IKZF2: variants seen among roughly 807,000 people sequenced by gnomAD.
IKZF2 encodes the protein zinc finger protein Helios.
Under a neutral mutation model 49.2 loss-of-function variants are expected in IKZF2, and 15 were observed. The ratio of observed to expected loss-of-function variants is 0.30; its 90% CI spans 0.20 to 0.47. The LOEUF is 0.47. Among genes scored for constraint, IKZF2 ranks in the 20% least tolerant of loss-of-function variants. The pLI is 1.00. For synonymous variants in IKZF2, 227 were observed against 221.4 expected (o/e 1.03, Z -0.23); for missense variants, 567 against 664.6 (o/e 0.85, Z 1.61).
intron 4 of IKZF2, among the ~76,000 whole-genome samples, chr2:213,080,376 A>G (rs1425868005): frequency 1.3e-5 from 2 of 152,210 alleles, no homozygotes; most frequent in African/African-American, 4.8e-5. Flanking sequence ...AAGGTTCATT[A>G]AATATCTACT....
At chr2:213,041,368 CT>C (rs746771345) in intron 6 of IKZF2, among the ~76,000 whole-genome samples, 20 of 151,880 alleles carry the variant, frequency 1.3e-4, no homozygotes, top group Middle Eastern at 3.4e-3. Flanking sequence ...GAGTTTCGCT[CT>C]GTCACCCAGG....
intron 4 of IKZF2, among the ~76,000 whole-genome samples, chr2:213,089,582 T>C (rs1448678607): frequency 2.0e-5 from 3 of 152,214 alleles, no homozygotes; most frequent in Non-Finnish European, 4.4e-5. Flanking sequence ...AGAATGATTC[T>C]AACTAGAAAA....
intron 4 of IKZF2, among the ~76,000 whole-genome samples, chr2:213,122,381 G>A (rs760530681): frequency 1.3e-5 from 2 of 152,156 alleles, no homozygotes; most frequent in African/African-American, 2.4e-5. Context: ...CTGATTATCA[G>A]AATTAGAGTC....
In IKZF2 at chr2:213,007,435, G is replaced by A; in HGVS notation, c.1506C>T (p.Asn502=). ...GGTCCTGGCTTCTGTAGCCACAGAT[G>A]TTGCATTCCAGTGGGTCCCGGTAGC... The part of the protein sequence containing the change: ...CHGYRDPLEC[N]ICGYRSQDRY... The change falls in exon 9 of 9, where the codon AAC becomes AAT. Residue 502 remains asparagine, a synonymous_variant. Coordinates refer to ENST00000434687, the MANE Select transcript of IKZF2 (RefSeq NM_001387220.1). 6.2e-7 allele frequency: 1 copy of A among 1,613,598 alleles called. No individual in the cohort carries two copies. The highest frequency in any genetic ancestry group is 8.5e-7 in the Non-Finnish European group (1 of 1,179,652).
At chr2:213,036,149 G>A (rs1574568535) in intron 6 of IKZF2, among the ~76,000 whole-genome samples, 1 of 152,042 alleles carries the variant, frequency 6.6e-6, no homozygotes, top group South Asian at 2.1e-4. Flanking sequence ...TACAATTCTT[G>A]TTTTATTGTG....
chr2:213,096,016 T>C (rs1332012619), intron 4 of IKZF2, among the ~76,000 whole-genome samples: 1 of 151,956 alleles, frequency 6.6e-6, no homozygotes, highest in Non-Finnish European at 1.5e-5. Flanking sequence ...CTAAATATTA[T>C]ACAGCTTATA....
chr2:213,037,032 G>T (rs1426292969), intron 6 of IKZF2, among the ~76,000 whole-genome samples: 2 of 152,160 alleles, frequency 1.3e-5, no homozygotes, highest in African/African-American at 4.8e-5. Context: ...CTCCACTTCT[G>T]TTGTGGAGTT....
intron 4 of IKZF2, among the ~76,000 whole-genome samples, chr2:213,082,680 C>T (rs1303816022): frequency 6.6e-6 from 1 of 152,130 alleles, no homozygotes; most frequent in Non-Finnish European, 1.5e-5. Context: ...CGGAACTTGC[C>T]TATTATAAAG....
intron 4 of IKZF2, among the ~76,000 whole-genome samples, chr2:213,062,243 A>C (rs1701762789): frequency 6.6e-6 from 1 of 151,688 alleles, no homozygotes; most frequent in Admixed American, 6.6e-5. Context: ...GACATTTTTA[A>C]ATATACATAT....
chr2:213,145,060 C>T (rs993071000), intron 4 of IKZF2, among the ~76,000 whole-genome samples: 8 of 151,582 alleles, frequency 5.3e-5, no homozygotes, highest in Non-Finnish European at 1.2e-4. Flanking sequence ...TACCAAATAG[C>T]TTAAACAAAT....
intron 4 of IKZF2, among the ~76,000 whole-genome samples, chr2:213,137,742 A>G (rs1245385532): frequency 1.3e-5 from 2 of 152,142 alleles, no homozygotes; most frequent in Non-Finnish European, 2.9e-5. Context: ...TTAAACAACA[A>G]AACAAGGATA....
chr2:213,085,798 A>G (rs529031612), intron 4 of IKZF2, among the ~76,000 whole-genome samples: 82 of 152,206 alleles, frequency 5.4e-4, no homozygotes, highest in Non-Finnish European at 9.6e-4. Context: ...ATGTTTTGCT[A>G]TACATACAGA....
intron 4 of IKZF2, among the ~76,000 whole-genome samples, chr2:213,085,461 C>T (rs1456973423): frequency 6.6e-6 from 1 of 152,004 alleles, no homozygotes; most frequent in Non-Finnish European, 1.5e-5. Context: ...TTTAAAAAAT[C>T]TAGTTAGGAC....
chr2:213,096,892 T>G (rs943833043), intron 4 of IKZF2, among the ~76,000 whole-genome samples: 1 of 152,088 alleles, frequency 6.6e-6, no homozygotes, highest in Non-Finnish European at 1.5e-5. Context: ...ACAATCTCAG[T>G]AGCTTTCATC....
chr2:213,071,507 T>C (rs1179903015), intron 4 of IKZF2, among the ~76,000 whole-genome samples: 1 of 152,126 alleles, frequency 6.6e-6, no homozygotes, highest in Admixed American at 6.6e-5. Flanking sequence ...GGTAAGACTT[T>C]TGTACCGGAC....
At chr2:213,127,430 T>C (rs1270468668) in intron 4 of IKZF2, among the ~76,000 whole-genome samples, 2 of 152,170 alleles carry the variant, frequency 1.3e-5, no homozygotes, top group African/African-American at 4.8e-5. Flanking sequence ...TTACTAAATA[T>C]CCAGTGGAAT....
intron 4 of IKZF2, among the ~76,000 whole-genome samples, chr2:213,134,578 T>C (rs916507912): frequency 1.3e-5 from 2 of 152,236 alleles, no homozygotes; most frequent in African/African-American, 4.8e-5. Context: ...CTGCTTTAAT[T>C]GGCTAATTGT....
At chr2:213,136,237 G>A (rs2060658718) in intron 4 of IKZF2, among the ~76,000 whole-genome samples, 1 of 149,740 alleles carries the variant, frequency 6.7e-6, no homozygotes, top group African/African-American at 2.4e-5. Flanking sequence ...TGGACGTGGT[G>A]ATGGGCGCCT....
At chr2:213,062,712 T>C (rs1385795966) in intron 4 of IKZF2, among the ~76,000 whole-genome samples, 2 of 151,962 alleles carry the variant, frequency 1.3e-5, no homozygotes, top group African/African-American at 4.8e-5. Context: ...CATTTCCCAG[T>C]CTATGCCAGA....
Sources: gnomAD v4.1 joint callset for allele counts (sites outside exome capture counted in the v4.1 genomes callset) on GRCh38, gnomAD v4.1.1 for gene constraint, MANE v1.5 for transcripts, NCBI Gene and HGNC (gene_info 2026-07-23, HGNC 2026-07-21) for gene names.